The following POU6F2 variants were observed in gnomAD, a reference collection of about 807,000 sequenced individuals.
The protein encoded by POU6F2 is POU domain, class 6, transcription factor 2.
A neutral mutation model predicts 71.3 loss-of-function variants in POU6F2; 31 were observed. The ratio of observed to expected loss-of-function variants is 0.43; its 90% CI spans 0.33 to 0.59. POU6F2 has a LOEUF of 0.59. Ranked by LOEUF, POU6F2 falls within the 20% of genes least tolerant of loss-of-function variation. The pLI is 0.04. For missense variants in POU6F2, 783 were observed against 856.8 expected (o/e 0.91, Z 1.07); for synonymous variants, 347 against 355.7 (o/e 0.98, Z 0.27).
chr7:39,069,947 T>C (rs1052466799), intron 1 of POU6F2, among the ~76,000 whole-genome samples: 2 of 152,054 alleles, frequency 1.3e-5, no homozygotes, highest in African/African-American at 4.8e-5. Context: ...GTCAGCTGTA[T>C]TCAGATAAGT....
chr7:39,429,154 C>T (rs1217084870), intron 6 of POU6F2, among the ~76,000 whole-genome samples: 1 of 151,686 alleles, frequency 6.6e-6, no homozygotes, highest in Non-Finnish European at 1.5e-5. Flanking sequence ...AACCCCTTGG[C>T]TGGATGGAAT....
chr7:39,085,820 C>CA, intron 1 of POU6F2, 40 bp from the exon 2 acceptor site: 3 of 1,556,286 alleles, frequency 1.9e-6, no homozygotes, highest in Non-Finnish European at 8.8e-7. Flanking sequence ...AAATCTGCCA[C>CA]TTTTTTTTTC....
At chr7:39,112,799 A>T (rs1336516641) in intron 2 of POU6F2, among the ~76,000 whole-genome samples, 1 of 152,092 alleles carries the variant, frequency 6.6e-6, no homozygotes, top group African/African-American at 2.4e-5. Flanking sequence ...TGCTGAAAGG[A>T]TTTGTGTTGA....
At chr7:39,314,356 C>T (rs534413713) in intron 4 of POU6F2, among the ~76,000 whole-genome samples, 1 of 152,294 alleles carries the variant, frequency 6.6e-6, no homozygotes, top group Admixed American at 6.5e-5. Flanking sequence ...CTTCAGGCAA[C>T]TCCTCCCAGC....
intron 5 of POU6F2, among the ~76,000 whole-genome samples, chr7:39,401,735 C>A (rs748698500): frequency 6.6e-6 from 1 of 152,166 alleles, no homozygotes; most frequent in Non-Finnish European, 1.5e-5. Flanking sequence ...GTGATGAATG[C>A]GTTTATGAAT....
intron 2 of POU6F2, chr7:39,132,249 A>G (rs1792301627): frequency 6.6e-6 from 1 of 152,214 alleles, no homozygotes; most frequent in African/African-American, 2.4e-5. Context: ...AGAGCATCAC[A>G]GTTTAACCAT....
intron 2 of POU6F2, among the ~76,000 whole-genome samples, chr7:39,096,492 G>A (rs1167439851): frequency 6.6e-6 from 1 of 152,162 alleles, no homozygotes; most frequent in Non-Finnish European, 1.5e-5. Context: ...GGGATGTGAT[G>A]CTTCTATCAT....
At position 39,264,931 on chromosome 7, in the gene POU6F2, C is replaced by T. The variant is rs1312314817; in HGVS notation, c.598+57311C>T. Among the ~76,000 whole-genome samples the T allele has an allele frequency of 2.0e-5, 3 of 151,980 alleles. No individual in the cohort carries two copies. In the East Asian group the frequency reaches 5.8e-4, roughly 29 times the overall value. On this transcript the variant is annotated intron_variant, in intron 4 of 9. Transcript: ENST00000518318. ...TGGTTGGAAAAACTGCAAATGTCTACACATCAAAAAAGTATTTGCTCTTAT... is the reference window on the plus strand; with the variant it reads ...TGGTTGGAAAAACTGCAAATGTCTATACATCAAAAAAGTATTTGCTCTTAT...
At position 39,355,588 on chromosome 7, in the gene POU6F2, A is replaced by G. The variant is rs1187995996; in HGVS notation, c.972+15573A>G. 2.0e-5 allele frequency among the ~76,000 whole-genome samples: 3 copies of G among 152,076 alleles called. No individual in the cohort carries two copies. In the East Asian group the frequency reaches 5.8e-4, roughly 29 times the overall value. ...GAAGCAGGTATATCAGTATCCCAAC[A>G]TATTGCATGTGATATGAGCCCCTAA... On this transcript the variant is annotated intron_variant, in intron 5 of 9. Coordinates refer to ENST00000518318, the MANE Select transcript of POU6F2 (RefSeq NM_001370959.1).
intron 4 of POU6F2, among the ~76,000 whole-genome samples, chr7:39,241,557 G>A (rs1316932392): frequency 2.6e-5 from 4 of 151,960 alleles, no homozygotes; most frequent in Admixed American, 1.3e-4. Context: ...TGTGGGGAGA[G>A]TTTGATCCAA....
chr7:39,401,858 G>A (rs554051946), intron 5 of POU6F2, among the ~76,000 whole-genome samples: 2 of 152,290 alleles, frequency 1.3e-5, no homozygotes, highest in Admixed American at 1.3e-4. Flanking sequence ...TAGCTCATGA[G>A]GAGAATGATA....
At chr7:39,199,880 AT>A (rs1414281596) in intron 2 of POU6F2, among the ~76,000 whole-genome samples, 2 of 152,204 alleles carry the variant, frequency 1.3e-5, no homozygotes, top group African/African-American at 4.8e-5. Flanking sequence ...ATGACCTATC[AT>A]TTCCATAATA....
intron 4 of POU6F2, among the ~76,000 whole-genome samples, chr7:39,249,097 C>G (rs2128752502): frequency 6.6e-6 from 1 of 152,330 alleles, no homozygotes; most frequent in Non-Finnish European, 1.5e-5. Context: ...TGCCTCCTGA[C>G]ATCTAGGCCC....
intron 1 of POU6F2, among the ~76,000 whole-genome samples, chr7:38,986,107 C>T (rs1044609750): frequency 1.8e-4 from 27 of 152,098 alleles, no homozygotes; most frequent in African/African-American, 6.0e-4. Flanking sequence ...TATTTAACCT[C>T]TAATAATCTA....
intron 1 of POU6F2, among the ~76,000 whole-genome samples, chr7:39,068,166 A>G (rs575161335): frequency 1.3e-5 from 2 of 152,210 alleles, no homozygotes; most frequent in Non-Finnish European, 2.9e-5. Flanking sequence ...ATTGATATTT[A>G]TCTATGTAGT....
In POU6F2 at chr7:39,175,794, G is replaced by A. The variant is rs549048942; in HGVS notation, c.278-28441G>A. On this transcript the variant is annotated intron_variant, in intron 2 of 9. Coordinates refer to ENST00000518318, the MANE Select transcript of POU6F2 (RefSeq NM_001370959.1). ...TGTGCTTCCTTTCTTGATTTATCTCGCAGACTAGCATCCTCACATTCACTC... is the reference window on the plus strand; with the variant it reads ...TGTGCTTCCTTTCTTGATTTATCTCACAGACTAGCATCCTCACATTCACTC... Among the ~76,000 whole-genome samples, 7 of 152,002 alleles carry A rather than the reference G, an allele frequency of 4.6e-5. No homozygotes were observed. The East Asian group carries it at 5.8e-4, about 13-fold the overall frequency.
chr7:39,249,110 G>C (rs1783871280), intron 4 of POU6F2, among the ~76,000 whole-genome samples: 1 of 152,206 alleles, frequency 6.6e-6, no homozygotes, highest in Non-Finnish European at 1.5e-5. Flanking sequence ...CTAGGCCCCA[G>C]TGTGGCTGTA....
intron 2 of POU6F2, among the ~76,000 whole-genome samples, chr7:39,178,974 G>A (rs1313570880): frequency 6.6e-6 from 1 of 152,120 alleles, no homozygotes; most frequent in Non-Finnish European, 1.5e-5. Context: ...CTCATTAAAG[G>A]GATGAGACGT....
intron 2 of POU6F2, among the ~76,000 whole-genome samples, chr7:39,162,745 T>C (rs1447874171): frequency 6.6e-6 from 1 of 152,226 alleles, no homozygotes; most frequent in Non-Finnish European, 1.5e-5. Context: ...GATGCCATTA[T>C]GCTGGTAAAT....
Sources: allele counts gnomAD v4.1 joint callset (sites outside exome capture counted in the v4.1 genomes callset), GRCh38; gene constraint gnomAD v4.1.1; transcripts MANE v1.5; gene names NCBI Gene and HGNC (gene_info 2026-07-23, HGNC 2026-07-21).